ARFGEF1: variants seen among roughly 807,000 people sequenced by gnomAD.
The protein encoded by ARFGEF1 is ARF guanine nucleotide exchange factor 1.
ARFGEF1 carries 42 observed loss-of-function variants against 231.0 expected under a neutral mutation model. That is an observed-to-expected ratio of 0.18 (90% CI 0.14 to 0.24). The LOEUF (loss-of-function observed/expected upper bound fraction) is 0.24, where lower values mean the gene tolerates loss of function less well. Ranked by LOEUF, ARFGEF1 falls within the 10% of genes least tolerant of loss-of-function variation. The probability of loss-of-function intolerance (pLI) is 1.00; values close to 1 mark genes in which losing one functional copy is unlikely to be tolerated. For synonymous variants in ARFGEF1, 710 were observed against 732.3 expected, an observed-to-expected ratio of 0.97 and a Z score of 0.49; for missense variants, 1,345 against 2,192.0, an observed-to-expected ratio of 0.61 and a Z score of 7.72.
intron 29 of ARFGEF1, among the ~76,000 whole-genome samples, chr8:67,222,184 T>TATATATATATATATATATATATACAC (rs1563846280): frequency 1.8e-4 from 12 of 65,682 alleles, no homozygotes; most frequent in African/African-American, 4.7e-4. Flanking sequence ...TATATACACA[T>TATATATATATATATATATATATACAC]ATATATATAT....
chr8:67,226,417 G>C (rs1363801177), intron 27 of ARFGEF1, among the ~76,000 whole-genome samples: 2 of 151,980 alleles, frequency 1.3e-5, no homozygotes, highest in Non-Finnish European at 2.9e-5. Flanking sequence ...CTAATACAGT[G>C]ACTGGTACAC....
At chr8:67,251,736 T>G (rs1364643568) in intron 18 of ARFGEF1, among the ~76,000 whole-genome samples, 1 of 152,158 alleles carries the variant, frequency 6.6e-6, no homozygotes, top group Non-Finnish European at 1.5e-5. Flanking sequence ...TGAAATCTTT[T>G]GGAATTAGAG....
At position 67,226,012 on chromosome 8, in the gene ARFGEF1, T is replaced by C. The variant is rs1298265005; in HGVS notation, c.4077+11A>G. The C allele has an allele frequency of 2.6e-6, 4 of 1,567,170 alleles. No homozygotes were observed. Among genetic ancestry groups the C allele is most frequent in the East Asian group, 4.6e-5 (2 of 43,928 alleles). ...ACTCTGCAAAATTTTGTTTACTAAA[T>C]GACGCTATACCTGAGGTCTATCAGA... On this transcript the variant is annotated intron_variant, in intron 28 of 38. Transcript: ENST00000262215.
intron 17 of ARFGEF1, 146 bp from the exon 18 acceptor site, chr8:67,253,768 T>C (rs1406093466): frequency 2.1e-6 from 1 of 467,944 alleles, no homozygotes; most frequent in Non-Finnish European, 3.5e-6. Context: ...TAGATAAAAA[T>C]GAAAAAAATC....
At chr8:67,199,329 C>T in intron 38 of ARFGEF1, 1 of 408,220 alleles carries the variant, frequency 2.4e-6, no homozygotes, top group South Asian at 3.9e-5. Context: ...GTCTGTATAT[C>T]TTTGACAAAC....
intron 5 of ARFGEF1, among the ~76,000 whole-genome samples, chr8:67,292,676 A>C (rs1806060536): frequency 1.3e-5 from 2 of 152,132 alleles, no homozygotes; most frequent in African/African-American, 4.8e-5. Flanking sequence ...TATATCTACA[A>C]ATGTCTGAAT....
chr8:67,272,999 C>T (rs577011733), intron 9 of ARFGEF1, among the ~76,000 whole-genome samples: 3 of 151,834 alleles, frequency 2.0e-5, no homozygotes, highest in East Asian at 3.9e-4. Context: ...CCCAGCTACT[C>T]GGGAGGCTGA....
chr8:67,208,629 CAAAAAAAAA>C (rs1226322166), intron 34 of ARFGEF1, among the ~76,000 whole-genome samples: 1 of 50,540 alleles, frequency 2.0e-5, no homozygotes, highest in African/African-American at 6.0e-5. Context: ...GACTCCATCT[CAAAAAAAAA>C]AAAAAAAAAA....
chr8:67,224,654 A>T (rs1839311542), intron 29 of ARFGEF1, among the ~76,000 whole-genome samples: 1 of 152,192 alleles, frequency 6.6e-6, no homozygotes, highest in African/African-American at 2.4e-5. Context: ...AAATTAACTT[A>T]GAAGCTAAAA....
intron 4 of ARFGEF1, among the ~76,000 whole-genome samples, chr8:67,297,599 G>A (rs1314097796): frequency 6.6e-6 from 1 of 151,862 alleles, no homozygotes; most frequent in Non-Finnish European, 1.5e-5. Flanking sequence ...AAATTCCTAA[G>A]GCAAATATTT....
intron 1 of ARFGEF1, among the ~76,000 whole-genome samples, chr8:67,340,441 C>T (rs1387144472): frequency 1.3e-5 from 2 of 152,342 alleles, no homozygotes; most frequent in South Asian, 2.1e-4. Flanking sequence ...AGATTACCAA[C>T]AGACCAGAGC....
At position 67,198,999 on chromosome 8, in the gene ARFGEF1, G is replaced by A; in HGVS notation, c.5485C>T (p.Arg1829Ter). The change falls in exon 39 of 39, where the codon CGA (arginine) becomes TGA (stop). Residue 1829 changes from arginine (R) to a stop codon, truncating the protein, a stop_gained. Coordinates refer to ENST00000262215, the MANE Select transcript of ARFGEF1 (RefSeq NM_006421.5). LOFTEE classifies it high-confidence loss of function. ...LRAVLRRFFL[R>*]IGVVFQISQP... Reference sequence around the variant, plus strand: ...GATATCTGAAAAACTACTCCGATTCGCAGAAAAAATCTTCTAAGAACAGCA... The same window carrying A: ...GATATCTGAAAAACTACTCCGATTCACAGAAAAAATCTTCTAAGAACAGCA... The A allele has an allele frequency of 6.2e-7, 1 of 1,612,312 alleles. No individual in the cohort carries two copies. The highest frequency in any genetic ancestry group is 8.5e-7 in the Non-Finnish European group (1 of 1,179,526).
intron 7 of ARFGEF1, among the ~76,000 whole-genome samples, chr8:67,278,709 G>A (rs775224674): frequency 2.3e-4 from 35 of 152,110 alleles, no homozygotes; most frequent in Non-Finnish European, 3.7e-4. Context: ...AGCTGGGCAC[G>A]GTGGCGGGTG....
chr8:67,249,232 T>C (rs1840198929), intron 19 of ARFGEF1, among the ~76,000 whole-genome samples: 1 of 150,432 alleles, frequency 6.6e-6, no homozygotes, highest in South Asian at 2.1e-4. Flanking sequence ...AACTATTGTT[T>C]TTCATTTTCA....
chr8:67,178,755 G>A (rs937679882), intron 5 of ARFGEF1, among the ~76,000 whole-genome samples: 1 of 152,166 alleles, frequency 6.6e-6, no homozygotes, highest in African/African-American at 2.4e-5. Context: ...AAGGAGCAGT[G>A]GGAGAGCCAT....
intron 7 of ARFGEF1, among the ~76,000 whole-genome samples, chr8:67,281,198 A>G (rs1805520110): frequency 6.6e-6 from 1 of 152,184 alleles, no homozygotes; most frequent in Admixed American, 6.5e-5. Context: ...GATGGAAATT[A>G]GAGAAGACTG....
intron 36 of ARFGEF1, among the ~76,000 whole-genome samples, chr8:67,202,349 T>G (rs1401952121): frequency 1.3e-5 from 2 of 152,068 alleles, no homozygotes; most frequent in Non-Finnish European, 2.9e-5. Context: ...AGCCTCAAAC[T>G]CCTGGGCTCA....
chr8:67,267,525 G>T, intron 10 of ARFGEF1, 83 bp from the exon 11 acceptor site: 2 of 892,198 alleles, frequency 2.2e-6, no homozygotes, highest in Non-Finnish European at 3.5e-6. Context: ...CAGAGCTATA[G>T]AGCAGGTATT....
chr8:67,272,610 G>C (rs962560318), intron 9 of ARFGEF1, among the ~76,000 whole-genome samples: 1 of 151,928 alleles, frequency 6.6e-6, no homozygotes, highest in African/African-American at 2.4e-5. Flanking sequence ...TCATCAACTT[G>C]TCAGATTAAA....
Sources: gnomAD v4.1 joint callset for allele counts (sites outside exome capture counted in the v4.1 genomes callset) on GRCh38, gnomAD v4.1.1 for gene constraint, MANE v1.5 for transcripts, NCBI Gene and HGNC (gene_info 2026-07-23, HGNC 2026-07-21) for gene names.